ANK1: variants seen among roughly 807,000 people sequenced by gnomAD.
The protein encoded by ANK1 is ankyrin 1, also known as ankyrin-1.
ANK1 carries 51 observed loss-of-function variants against 210.4 expected under a neutral mutation model. The observed-to-expected ratio is 0.24, with a 90% CI of 0.19 to 0.31. The LOEUF is 0.31. Among genes scored for constraint, ANK1 ranks in the 10% least tolerant of loss-of-function variants. The probability of loss-of-function intolerance (pLI) is 1.00; values close to 1 mark genes in which losing one functional copy is unlikely to be tolerated. For missense variants in ANK1, 2,051 were observed against 2,504.4 expected (o/e 0.82, Z 3.86); for synonymous variants, 967 against 1,025.9 (o/e 0.94, Z 1.10).
In ANK1 at chr8:41,865,070, C is replaced by T. The variant is rs886624730; in HGVS notation, c.126+31285G>A. ...ACCAGTCGCAAGGTGGTAGGGTCTG[C>T]GAGCATCCAGTGTGTGGCGCTGCAC... On this transcript the variant is annotated intron_variant, in intron 1 of 42. Transcript: ENST00000265709. 4.6e-5 allele frequency among the ~76,000 whole-genome samples: 7 copies of T among 152,166 alleles called. No homozygotes were observed. In the East Asian group the frequency reaches 5.8e-4, roughly 13 times the overall value.
At chr8:41,849,597 C>T (rs1810804503) in intron 1 of ANK1, among the ~76,000 whole-genome samples, 1 of 152,182 alleles carries the variant, frequency 6.6e-6, no homozygotes, top group African/African-American at 2.4e-5. Context: ...CCCTTGAAGG[C>T]AAAGGCAGGA....
Position 41,703,443 on chromosome 8 carries a change from TATATA to T in ANK1, c.2295+593_2295+597del, listed in dbSNP as rs1207835973. On this transcript the variant is annotated intron_variant, in intron 20 of 42. Coordinates refer to ENST00000289734, the MANE Select transcript of ANK1 (RefSeq NM_000037.4). ...GTGTGTATATATATATATATATATA[TATATA>T]TATTTTTTTTTTTTTTTTAAGACAC... 1.1e-3 allele frequency among the ~76,000 whole-genome samples: 79 copies of T among 71,256 alleles called. 2 individuals are homozygous for T. The highest frequency in any genetic ancestry group is 2.5e-3 in the African/African-American group (51 of 20,500). 46.7% of individuals were successfully genotyped at this position (71,256 alleles called of 152,430 possible).
chr8:41,707,278 T>C (rs1824850352), intron 17 of ANK1, among the ~76,000 whole-genome samples: 1 of 152,220 alleles, frequency 6.6e-6, no homozygotes, highest in African/African-American at 2.4e-5. Flanking sequence ...GGCACCCACA[T>C]GAAAATGTCA....
rs757993121 is a variant in ANK1, at chr8:41,718,193, G to A, written c.1119C>T (p.Thr373=). 3.7e-6 allele frequency: 6 copies of A among 1,613,712 alleles called. No individual in the cohort carries two copies. Among genetic ancestry groups the A allele is most frequent in the African/African-American group, 2.7e-5 (2 of 74,874 alleles). The change falls in exon 11 of 43, where the codon ACC becomes ACT. Residue 373 remains threonine (T), a synonymous_variant. Coordinates refer to ENST00000289734, the MANE Select transcript of ANK1 (RefSeq NM_000037.4). The part of the protein sequence containing the change: ...KPNSRALNGF[T]PLHIACKKNH... The stretch of plus-strand genomic sequence containing the variant: ...TCTTTTTGCAGGCGATGTGTAAGGG[G>A]GTAAAGCCATTCTGCAGCCCACACA...
intron 26 of ANK1, 105 bp from the exon 27 acceptor site, chr8:41,695,436 C>G (rs954714623): frequency 2.6e-6 from 4 of 1,520,996 alleles, no homozygotes; most frequent in Non-Finnish European, 3.6e-6. Flanking sequence ...AAGGCACTTC[C>G]GCAGCCACGT....
At chr8:41,679,809 C>A (rs901434145) in intron 37 of ANK1, among the ~76,000 whole-genome samples, 32 of 151,922 alleles carry the variant, frequency 2.1e-4, no homozygotes, top group African/African-American at 7.7e-4. Flanking sequence ...CGTGATCCGC[C>A]CACCTCGGCC....
At chr8:41,730,596 T>C (rs1043329973) in intron 3 of ANK1, among the ~76,000 whole-genome samples, 6 of 151,514 alleles carry the variant, frequency 4.0e-5, no homozygotes, top group African/African-American at 9.8e-5. Context: ...TTTCCTCAGG[T>C]ATCCATTGGA....
chr8:41,833,985 G>A (rs1415308884), intron 1 of ANK1, among the ~76,000 whole-genome samples: 2 of 152,182 alleles, frequency 1.3e-5, no homozygotes, highest in Admixed American at 1.3e-4. Context: ...GTGGATAAAG[G>A]CATGGAGGTG....
At chr8:41,748,904 G>A (rs572631704) in intron 2 of ANK1, among the ~76,000 whole-genome samples, 59 of 152,124 alleles carry the variant, frequency 3.9e-4, no homozygotes, top group Admixed American at 7.2e-4. Flanking sequence ...GCGTGGTGGC[G>A]GGCACCTGTA....
At chr8:41,774,221 A>G (rs1843544858) in intron 1 of ANK1, among the ~76,000 whole-genome samples, 1 of 152,178 alleles carries the variant, frequency 6.6e-6, no homozygotes, top group South Asian at 2.1e-4. Flanking sequence ...CCTGAGCAGA[A>G]CATGATGCAG....
chr8:41,692,843 C>T lies in ANK1; in HGVS notation c.3663G>A (p.Glu1221=), dbSNP rs757509602. The T allele has an allele frequency of 1.9e-6, 3 of 1,614,044 alleles. No individual in the cohort carries two copies. The highest frequency in any genetic ancestry group is 1.1e-5 in the South Asian group (1 of 91,076). Residue 1221 remains glutamate (E), a synonymous_variant, in exon 31 of 43, where the codon GAG becomes GAA. Transcript: ENST00000289734. ...ACAGCAGGGTGGCAAAGTTCACAGC[C>T]TCAGCAGTCCGAGGACAGTCCGACA... ...FWLSDCPRTA[E]AVNFATLLYK...
intron 6 of ANK1, among the ~76,000 whole-genome samples, chr8:41,725,030 TA>T (rs944463868): frequency 6.6e-6 from 1 of 151,938 alleles, no homozygotes; most frequent in African/African-American, 2.4e-5. Flanking sequence ...CAGCTAATTT[TA>T]AAAAAAATGT....
intron 1 of ANK1, among the ~76,000 whole-genome samples, chr8:41,819,835 C>T (rs1803910324): frequency 6.6e-6 from 1 of 152,198 alleles, no homozygotes; most frequent in Non-Finnish European, 1.5e-5. Context: ...CAACATAAAA[C>T]AAGCTGGAAG....
intron 1 of ANK1, among the ~76,000 whole-genome samples, chr8:41,832,450 T>C (rs1327559982): frequency 6.6e-6 from 1 of 152,114 alleles, no homozygotes; most frequent in Admixed American, 6.5e-5. Context: ...ATGAACCAGA[T>C]ATTAACACCC....
intron 1 of ANK1, among the ~76,000 whole-genome samples, chr8:41,818,132 C>T (rs912923607): frequency 6.6e-6 from 1 of 152,194 alleles, no homozygotes; most frequent in South Asian, 2.1e-4. Context: ...CAATAACTAT[C>T]CACGGGAGGG....
At chr8:41,758,632 G>A (rs1159465932) in intron 1 of ANK1, among the ~76,000 whole-genome samples, 5 of 150,290 alleles carry the variant, frequency 3.3e-5, no homozygotes, top group East Asian at 2.0e-4. Context: ...ATGAGCCACC[G>A]TGCCTGGCCC....
chr8:41,875,985 C>T (rs1195395656), intron 1 of ANK1, among the ~76,000 whole-genome samples: 1 of 151,992 alleles, frequency 6.6e-6, no homozygotes, highest in African/African-American at 2.4e-5. Flanking sequence ...CCCGCGCGCA[C>T]ACACCCGCGC....
At chr8:41,663,951 C>T (rs474059) in intron 39 of ANK1, 4 of 652,098 alleles carry the variant, frequency 6.1e-6, no homozygotes, top group Admixed American at 4.2e-5. Context: ...GGCCTGAAGA[C>T]GAACGGTCGA....
intron 1 of ANK1, among the ~76,000 whole-genome samples, chr8:41,884,210 T>C (rs1414724353): frequency 6.6e-6 from 1 of 152,080 alleles, no homozygotes; most frequent in Non-Finnish European, 1.5e-5. Context: ...GAGCCGGGCA[T>C]GGTGGCATGT....
Sources: gnomAD v4.1 joint callset for allele counts (sites outside exome capture counted in the v4.1 genomes callset) on GRCh38, gnomAD v4.1.1 for gene constraint, MANE v1.5 for transcripts, NCBI Gene and HGNC (gene_info 2026-07-23, HGNC 2026-07-21) for gene names.